POU6F2: variants seen among roughly 807,000 people sequenced by gnomAD.
POU6F2 encodes POU domain, class 6, transcription factor 2.
Under a neutral mutation model 71.3 loss-of-function variants are expected in POU6F2, and 31 were observed. The ratio of observed to expected loss-of-function variants is 0.43; its 90% CI spans 0.33 to 0.59. The LOEUF is 0.59. Among genes scored for constraint, POU6F2 ranks in the 20% least tolerant of loss-of-function variants. The probability of loss-of-function intolerance (pLI) is 0.04; values close to 1 mark genes in which losing one functional copy is unlikely to be tolerated. For synonymous variants in POU6F2, 347 were observed against 355.7 expected (o/e 0.98, Z 0.27); for missense variants, 783 against 856.8 (o/e 0.91, Z 1.07).
At chr7:39,360,732 G>T (rs1033071040) in intron 5 of POU6F2, among the ~76,000 whole-genome samples, 3 of 152,214 alleles carry the variant, frequency 2.0e-5, no homozygotes, top group African/African-American at 2.4e-5. Context: ...CCATTTTTAT[G>T]GTTATTTCTT....
intron 1 of POU6F2, among the ~76,000 whole-genome samples, chr7:39,015,854 T>TATAATATATTATATATAG (rs1789495753): frequency 2.5e-4 from 5 of 20,378 alleles, no homozygotes; most frequent in Non-Finnish European, 5.7e-4. Context: ...TATATATAGA[T>TATAATATATTATATATAG]ATATATAATA....
intron 4 of POU6F2, among the ~76,000 whole-genome samples, chr7:39,335,900 A>G (rs915605770): frequency 6.6e-6 from 1 of 152,160 alleles, no homozygotes; most frequent in African/African-American, 2.4e-5. Context: ...GTGCCTTTCC[A>G]GTAGGCACAA....
chr7:39,367,303 C>G (rs185349529), intron 5 of POU6F2, among the ~76,000 whole-genome samples: 2 of 151,998 alleles, frequency 1.3e-5, no homozygotes, highest in Non-Finnish European at 2.9e-5. Context: ...GCCATTTGTC[C>G]GATAGCCACC....
intron 2 of POU6F2, among the ~76,000 whole-genome samples, chr7:39,160,139 G>A (rs1372897539): frequency 5.3e-5 from 8 of 152,208 alleles, no homozygotes; most frequent in Admixed American, 5.2e-4. Context: ...GTTTCCGAAG[G>A]AGGCTGTGGC....
At chr7:39,053,261 A>G (rs1790434232) in intron 1 of POU6F2, among the ~76,000 whole-genome samples, 1 of 152,122 alleles carries the variant, frequency 6.6e-6, no homozygotes, top group African/African-American at 2.4e-5. Context: ...TTTGTTCCAG[A>G]AAGTAAGCAT....
chr7:39,316,185 A>G (rs1785264876), intron 4 of POU6F2, among the ~76,000 whole-genome samples: 1 of 152,192 alleles, frequency 6.6e-6, no homozygotes, highest in African/African-American at 2.4e-5. Flanking sequence ...TCAATATTCA[A>G]CTTGCTATCT....
chr7:39,004,943 A>G (rs1434641720), intron 1 of POU6F2: 1 of 152,220 alleles, frequency 6.6e-6, no homozygotes. Flanking sequence ...ATGATGTCTA[A>G]TGCCCTTCAA....
chr7:39,140,545 G>C (rs911698726), intron 2 of POU6F2, among the ~76,000 whole-genome samples: 1 of 152,138 alleles, frequency 6.6e-6, no homozygotes, highest in African/African-American at 2.4e-5. Context: ...CCATTGGCTT[G>C]TGGCCACATC....
chr7:39,380,685 T>C (rs1326916589), intron 5 of POU6F2, among the ~76,000 whole-genome samples: 1 of 152,240 alleles, frequency 6.6e-6, no homozygotes, highest in Non-Finnish European at 1.5e-5. Context: ...TCCATTTCTA[T>C]GATAAATATC....
chr7:39,167,255 A>G (rs1348604287), intron 2 of POU6F2, among the ~76,000 whole-genome samples: 2 of 152,154 alleles, frequency 1.3e-5, no homozygotes, highest in African/African-American at 4.8e-5. Context: ...GCATGTTATT[A>G]AAAACTTTTC....
intron 4 of POU6F2, among the ~76,000 whole-genome samples, chr7:39,302,505 G>A (rs1465967897): frequency 6.6e-6 from 1 of 152,182 alleles, no homozygotes; most frequent in Non-Finnish European, 1.5e-5. Context: ...ACCTGGCGCT[G>A]TTTATTCCCT....
intron 1 of POU6F2, among the ~76,000 whole-genome samples, chr7:39,060,220 G>T (rs1450942475): frequency 6.6e-6 from 1 of 151,164 alleles, no homozygotes; most frequent in African/African-American, 2.4e-5. Context: ...AAAAAAAAAA[G>T]AAGCCAAACA....
At chr7:39,458,018 G>A (rs1475206067) in intron 8 of POU6F2, among the ~76,000 whole-genome samples, 20 of 52,074 alleles carry the variant, frequency 3.8e-4, no homozygotes, top group Non-Finnish European at 1.7e-4. Context: ...TCCCCACCCC[G>A]CCCCCCCATA....
At chr7:39,438,945 T>TGACATTA (rs1435929394) in intron 7 of POU6F2, among the ~76,000 whole-genome samples, 1 of 152,198 alleles carries the variant, frequency 6.6e-6, no homozygotes, top group African/African-American at 2.4e-5. Context: ...TGTCTAATAC[T>TGACATTA]GACATTAGGG....
At chr7:39,002,831 C>T (rs1788951186) in intron 1 of POU6F2, among the ~76,000 whole-genome samples, 1 of 152,230 alleles carries the variant, frequency 6.6e-6, no homozygotes, top group Non-Finnish European at 1.5e-5. Context: ...GCCCTTTCCT[C>T]TCTTCCTTTT....
intron 4 of POU6F2, among the ~76,000 whole-genome samples, chr7:39,335,407 C>T (rs955471348): frequency 1.4e-4 from 21 of 152,212 alleles, no homozygotes; most frequent in African/African-American, 4.8e-4. Flanking sequence ...GCAGACCCTT[C>T]AATTTAGGCT....
At chr7:39,256,794 CA>C (rs1470717388) in intron 4 of POU6F2, among the ~76,000 whole-genome samples, 1 of 152,014 alleles carries the variant, frequency 6.6e-6, no homozygotes, top group African/African-American at 2.4e-5. Context: ...GAGCCCCTTC[CA>C]AAGAACATGG....
chr7:39,107,019 T>G (rs1791703880), intron 2 of POU6F2, among the ~76,000 whole-genome samples: 2 of 151,508 alleles, frequency 1.3e-5, no homozygotes, highest in African/African-American at 2.4e-5. Context: ...GAAATCCACC[T>G]TTTTTCTTTT....
At chr7:39,107,185 C>T (rs1791709530) in intron 2 of POU6F2, among the ~76,000 whole-genome samples, 1 of 151,978 alleles carries the variant, frequency 6.6e-6, no homozygotes, top group East Asian at 1.9e-4. Context: ...GCTGGGACCA[C>T]AGGCATGTGC....
Sources: allele counts gnomAD v4.1 joint callset (sites outside exome capture counted in the v4.1 genomes callset), GRCh38; gene constraint gnomAD v4.1.1; transcripts MANE v1.5; gene names NCBI Gene and HGNC (gene_info 2026-07-23, HGNC 2026-07-21).